The following NXPH3 variants were observed in gnomAD, a reference collection of about 807,000 sequenced individuals.
The protein encoded by NXPH3 is neurexophilin 3.
In NXPH3, 7 loss-of-function variants were observed where a neutral mutation model predicts 18.8. That is an observed-to-expected ratio of 0.37 (90% confidence interval 0.21 to 0.70). The LOEUF (loss-of-function observed/expected upper bound fraction) is 0.70, where lower values mean the gene tolerates loss of function less well. NXPH3 is among the 30% of genes least tolerant of loss of function. The probability of loss-of-function intolerance (pLI) is 0.53; values close to 1 mark genes in which losing one functional copy is unlikely to be tolerated. For missense variants in NXPH3, 282 were observed against 338.1 expected, an observed-to-expected ratio of 0.83 and a Z score of 1.30; for synonymous variants, 101 against 137.3, an observed-to-expected ratio of 0.74 and a Z score of 1.85.
rs908265299 is a variant in NXPH3, at chr17:49,576,102, C to A, written c.-118C>A. ...CTGGGCGACCCGCTGAGGGGAGGGC[C>A]GCGGGCCGCCGGGGACTGGAGCATG... is the stretch of plus-strand genomic sequence containing the variant. On this transcript the variant is annotated 5_prime_UTR_variant, in exon 1 of 2. Transcript: ENST00000328741. The A allele has an allele frequency of 4.6e-6, 6 of 1,308,214 alleles. No homozygotes were observed. The highest frequency in any genetic ancestry group is 4.3e-6 in the Non-Finnish European group (4 of 938,038). The allele number at this position is 1,308,214 out of a possible 1,614,324, so 81.0% of individuals were successfully genotyped here.
Position 49,579,325 on chromosome 17 carries a change from G to A in NXPH3, c.*25G>A. ...ACCCGGGGCAGGCCACAGAGGCCAG[G>A]CCAGGGCTGGAAGGACAGGCCTGCC... On this transcript the variant is annotated 3_prime_UTR_variant, in exon 2 of 2. Coordinates refer to ENST00000328741, the MANE Select transcript of NXPH3 (RefSeq NM_007225.4). This position sits in a 1 kb window ranked among gnomAD's most constrained non-coding sequence, Gnocchi z 6.0. 1 of 1,573,296 alleles carries A rather than the reference G, an allele frequency of 6.4e-7. No individual in the cohort carries two copies. The highest frequency in any genetic ancestry group is 8.6e-7 in the Non-Finnish European group (1 of 1,161,104).
In NXPH3 at chr17:49,576,176, GAA is replaced by G; in HGVS notation, c.-41_-40del. On this transcript the variant is annotated 5_prime_UTR_variant, in exon 1 of 2. Coordinates refer to ENST00000328741, the MANE Select transcript of NXPH3 (RefSeq NM_007225.4). Reference sequence around the variant, plus strand: ...GAAGGGGAAGGAGGCCTGGGACCCCGAAAAGAGAAGGGGAGAGCGAGGGGACG... The same window carrying G: ...GAAGGGGAAGGAGGCCTGGGACCCCGAAGAGAAGGGGAGAGCGAGGGGACG... 6.4e-7 allele frequency: 1 copy of G among 1,554,148 alleles called. No individual in the cohort carries two copies. Among genetic ancestry groups the G allele is most frequent in the Non-Finnish European group, 8.7e-7 (1 of 1,148,506 alleles).
At position 49,579,311 on chromosome 17, in the gene NXPH3, G is replaced by A. The variant is rs750186672; in HGVS notation, c.*11G>A. 6.3e-7 allele frequency: 1 copy of A among 1,588,314 alleles called. No homozygotes were observed. The highest frequency in any genetic ancestry group is 8.5e-7 in the Non-Finnish European group (1 of 1,172,292). On this transcript the variant is annotated 3_prime_UTR_variant, in exon 2 of 2. Coordinates refer to ENST00000328741, the MANE Select transcript of NXPH3 (RefSeq NM_007225.4). This position sits in a 1 kb window ranked among gnomAD's most constrained non-coding sequence, Gnocchi z 6.0. ...TACCCATCTGGGTGACCCGGGGCAG[G>A]CCACAGAGGCCAGGCCAGGGCTGGA...
rs550283802 is a variant in NXPH3 at position 49,579,588 on chromosome 17, C to T, written c.*288C>T. ...TTTGCCACGGAGCCACAGAGAGATG[C>T]TGGGTCCCCGAGGCCTGTGGGCAGG... On this transcript the variant is annotated 3_prime_UTR_variant, in exon 2 of 2. Transcript: ENST00000328741. The surrounding 1 kb of genome is among the most constrained non-coding windows in gnomAD (Gnocchi z 6.0). 61 of 444,892 alleles carry T rather than the reference C, an allele frequency of 1.4e-4. No individual in the cohort carries two copies. Among genetic ancestry groups the T allele is most frequent in the Admixed American group, 4.6e-4 (12 of 26,372 alleles). The allele number at this position is 444,892 out of a possible 1,614,324, so 27.6% of individuals were successfully genotyped here. A position where few individuals can be genotyped will look rare whatever the true frequency, so the allele number is the denominator to read the frequency against.
At position 49,582,114 on chromosome 17, in the gene NXPH3, A is replaced by G; in HGVS notation, c.*2814A>G. ...GTGCCCGCTTGGTCCTCACAAGGGC[A>G]AGGGGTCCATCCAACTTCCTCTGGC... On this transcript the variant is annotated 3_prime_UTR_variant, in exon 2 of 2. Coordinates refer to ENST00000328741, the MANE Select transcript of NXPH3 (RefSeq NM_007225.4). 1.9e-6 allele frequency: 1 copy of G among 526,084 alleles called. No individual in the cohort carries two copies. The highest frequency in any genetic ancestry group is 3.0e-5 in the South Asian group (1 of 32,942). 32.6% of individuals were successfully genotyped at this position (526,084 alleles called of 1,614,324 possible).
At position 49,580,248 on chromosome 17, in the gene NXPH3, GTC is replaced by G. The variant is rs1403616075; in HGVS notation, c.*950_*951del. ...AGCATGTGCTGGATCTGTTCTGTGT[GTC>G]TGTCTGTGGGTGGGGGGAGGGGAGG... On this transcript the variant is annotated 3_prime_UTR_variant, in exon 2 of 2. Transcript: ENST00000328741. The G allele has an allele frequency of 5.5e-5, 8 of 144,318 alleles. No individual in the cohort carries two copies. The highest frequency in any genetic ancestry group is 1.4e-4 in the Admixed American group (2 of 14,630). The allele number at this position is 144,318 out of a possible 1,614,324, so 8.9% of individuals were successfully genotyped here. A position where few individuals can be genotyped will look rare whatever the true frequency, so the allele number is the denominator to read the frequency against.
At chr17:49,576,332 C>T (rs924312712) in intron 1 of NXPH3, 59 bp downstream of exon 1, 1 of 1,528,876 alleles carries the variant, frequency 6.5e-7, no homozygotes, top group South Asian at 1.2e-5. Flanking sequence ...CGGGGGAGAG[C>T]GCGGGAAGCT....
chr17:49,577,613 C>T (rs564083280), intron 1 of NXPH3, among the ~76,000 whole-genome samples: 1 of 152,316 alleles, frequency 6.6e-6, no homozygotes, highest in African/African-American at 2.4e-5. Context: ...CGGATGGCGC[C>T]TGGATAAAAA....
At position 49,575,881 on chromosome 17, in the gene NXPH3, G is replaced by A. The variant is rs1009696920; in HGVS notation, c.-339G>A. The A allele has an allele frequency of 1.5e-5, 4 of 267,750 alleles. No individual in the cohort carries two copies. The highest frequency in any genetic ancestry group is 6.8e-5 in the African/African-American group (3 of 44,186). The allele number at this position is 267,750 out of a possible 1,614,324, so 16.6% of individuals were successfully genotyped here. On this transcript the variant is annotated 5_prime_UTR_variant, in exon 1 of 2. Transcript: ENST00000328741. This position sits in a 1 kb window ranked among gnomAD's most constrained non-coding sequence, Gnocchi z 4.3. Reference sequence around the variant, plus strand: ...CGCGCGCAGGTCCCCAGCACATCTGGGCGAGAGCGGCGCCGCTGGAGCCGA... The same window carrying A: ...CGCGCGCAGGTCCCCAGCACATCTGAGCGAGAGCGGCGCCGCTGGAGCCGA...
Position 49,578,738 on chromosome 17 carries a change from T to C in NXPH3, c.197T>C (p.Leu66Pro). ...KSRPMANSTLLGLLAPPGEAW... is the reference protein window; with the variant it reads ...KSRPMANSTLPGLLAPPGEAW... Reference sequence around the variant, plus strand: ...CGCCCCATGGCCAATTCCACTCTCCTAGGGCTGCTGGCCCCGCCTGGGGAG... The same window carrying C: ...CGCCCCATGGCCAATTCCACTCTCCCAGGGCTGCTGGCCCCGCCTGGGGAG... Residue 66 changes from leucine to proline, a missense_variant, in exon 2 of 2, where the codon CTA becomes CCA. Leu to Pro is a moderately conservative substitution (Grantham distance 98). Transcript: ENST00000328741. This position sits in a 1 kb window ranked among gnomAD's most constrained non-coding sequence, Gnocchi z 4.5. 1 of 1,613,322 alleles carries C rather than the reference T, an allele frequency of 6.2e-7. No homozygotes were observed. Among genetic ancestry groups the C allele is most frequent in the Non-Finnish European group, 8.5e-7 (1 of 1,179,808 alleles).
chr17:49,583,663 T>C lies in NXPH3; in HGVS notation c.*4363T>C, dbSNP rs1597890291. 6.6e-6 allele frequency: 1 copy of C among 152,164 alleles called. No individual in the cohort carries two copies. Among genetic ancestry groups the C allele is most frequent in the South Asian group, 2.1e-4 (1 of 4,834 alleles). 9.4% of individuals were successfully genotyped at this position (152,164 alleles called of 1,614,324 possible). ...GCAACACAGGTGTTGCAGGAAGATA[T>C]AGCTGGGTCCTCATCCTGGGTCTGT... On this transcript the variant is annotated 3_prime_UTR_variant, in exon 2 of 2. Coordinates refer to ENST00000328741, the MANE Select transcript of NXPH3 (RefSeq NM_007225.4).
rs1286772359 is a variant in NXPH3 at position 49,576,188 on chromosome 17, G to A, written c.-32G>A. 26 of 1,557,628 alleles carry A rather than the reference G, an allele frequency of 1.7e-5. No individual in the cohort carries two copies. The highest frequency in any genetic ancestry group is 2.3e-5 in the Non-Finnish European group (26 of 1,150,644). On this transcript the variant is annotated 5_prime_UTR_variant, in exon 1 of 2. Coordinates refer to ENST00000328741, the MANE Select transcript of NXPH3 (RefSeq NM_007225.4). The stretch of plus-strand genomic sequence containing the variant: ...GGCCTGGGACCCCGAAAAGAGAAGG[G>A]GAGAGCGAGGGGACGAGAGCGGAGG...
chr17:49,576,811 C>T (rs1288808844), intron 1 of NXPH3, among the ~76,000 whole-genome samples: 3 of 150,492 alleles, frequency 2.0e-5, no homozygotes, highest in African/African-American at 7.3e-5. Context: ...GCAGCCGGAG[C>T]CCCACAGGAC....
chr17:49,576,138 C>T lies in NXPH3; in HGVS notation c.-82C>T. On this transcript the variant is annotated 5_prime_UTR_variant, in exon 1 of 2. Coordinates refer to ENST00000328741, the MANE Select transcript of NXPH3 (RefSeq NM_007225.4). ...GGGGACTGGAGCATGGGACGGCGCGCCTGAAGGAGCAGGAAGGGGAAGGAG... is the reference window on the plus strand; with the variant it reads ...GGGGACTGGAGCATGGGACGGCGCGTCTGAAGGAGCAGGAAGGGGAAGGAG... The T allele has an allele frequency of 5.3e-6, 8 of 1,519,014 alleles. No individual in the cohort carries two copies. Among genetic ancestry groups the T allele is most frequent in the Non-Finnish European group, 7.1e-6 (8 of 1,120,206 alleles). 94.1% of individuals were successfully genotyped at this position (1,519,014 alleles called of 1,614,324 possible).
rs1227259678 is a variant in NXPH3 at position 49,582,991 on chromosome 17, T to A, written c.*3691T>A. The A allele has an allele frequency of 1.3e-5, 2 of 152,190 alleles. No homozygotes were observed. Among genetic ancestry groups the A allele is most frequent in the South Asian group, 2.1e-4 (1 of 4,830 alleles). 9.4% of individuals were successfully genotyped at this position (152,190 alleles called of 1,614,324 possible). ...GGGAACTGAGTCACCCTGTTCCCCA[T>A]CCTTGGCAGGAATGCTGGTGACCTT... On this transcript the variant is annotated 3_prime_UTR_variant, in exon 2 of 2. Transcript: ENST00000328741.
intron 1 of NXPH3, 133 bp downstream of exon 1, chr17:49,576,406 T>TG: frequency 9.8e-7 from 1 of 1,020,764 alleles, no homozygotes; most frequent in Non-Finnish European, 1.5e-6. Flanking sequence ...GACTGGAGGC[T>TG]GGGGGAGAGG....
rs138163222 is a variant in NXPH3 at position 49,578,638 on chromosome 17, C to T, written c.97C>T (p.Pro33Ser). 1.4e-5 allele frequency: 23 copies of T among 1,596,876 alleles called. No individual in the cohort carries two copies. In the African/African-American group the frequency reaches 3.1e-4, roughly 21 times the overall value. The change falls in exon 2 of 2, where the codon CCT becomes TCT. Residue 33 changes from proline to serine, a missense_variant. Physicochemically the swap from Pro to Ser is moderately conservative, Grantham distance 74 (BLOSUM62 -1). Coordinates refer to ENST00000328741, the MANE Select transcript of NXPH3 (RefSeq NM_007225.4). The surrounding 1 kb of genome is among the most constrained non-coding windows in gnomAD (Gnocchi z 4.5). ...TGATGGTCCTCCCGGCTCAGAGGAC[C>T]CTGAGCGTGATGACCACGAGGGCCA... ...QDDGPPGSED[P>S]ERDDHEGQPR...
At position 49,581,724 on chromosome 17, in the gene NXPH3, G is replaced by A. The variant is rs1222937907; in HGVS notation, c.*2424G>A. 5 of 702,556 alleles carry A rather than the reference G, an allele frequency of 7.1e-6. No individual in the cohort carries two copies. The highest frequency in any genetic ancestry group is 1.0e-5 in the Non-Finnish European group (4 of 384,984). 43.5% of individuals were successfully genotyped at this position (702,556 alleles called of 1,614,324 possible). ...TCCCACAGTGCTGTGGAGACTGCAG[G>A]AAGGAGGAGGAAGCAATGGGGCCAG... On this transcript the variant is annotated 3_prime_UTR_variant, in exon 2 of 2. Transcript: ENST00000328741.
rs759187851 is a variant in NXPH3, at chr17:49,581,426, G to A, written c.*2126G>A. ...ATGGGCTTGCCACCCCCCACCTTTC[G>A]CCCCTGCCCACCAGCGCTCCGCGCA... On this transcript the variant is annotated 3_prime_UTR_variant, in exon 2 of 2. Transcript: ENST00000328741. 1.2e-5 allele frequency: 7 copies of A among 594,944 alleles called. No homozygotes were observed. The highest frequency in any genetic ancestry group is 7.4e-5 in the African/African-American group (4 of 53,724). The allele number at this position is 594,944 out of a possible 1,614,324, so 36.9% of individuals were successfully genotyped here.
Sources: allele counts gnomAD v4.1 joint callset (sites outside exome capture counted in the v4.1 genomes callset), GRCh38; gene constraint gnomAD v4.1.1; non-coding constraint Gnocchi (gnomAD v3.1); transcripts MANE v1.5; gene names NCBI Gene and HGNC (gene_info 2026-07-23, HGNC 2026-07-21).